The following ZNF595 variants were observed in gnomAD, a reference collection of about 807,000 sequenced individuals.
ZNF595 encodes zinc finger protein 595.
In ZNF595, 9 loss-of-function variants were observed where a neutral mutation model predicts 19.4. The ratio of observed to expected loss-of-function variants is 0.46; its 90% CI spans 0.28 to 0.81. The LOEUF is 0.81. ZNF595 is among the 30% of genes least tolerant of loss of function. ZNF595 has a pLI of 0.11. For missense variants in ZNF595, 729 were observed against 736.0 expected, an observed-to-expected ratio of 0.99 and a Z score of 0.11; for synonymous variants, 255 against 255.9, an observed-to-expected ratio of 1.00 and a Z score of 0.03.
chr4:61,105 G>A (rs1581322806), intron 3 of ZNF595, among the ~76,000 whole-genome samples: 1 of 152,260 alleles, frequency 6.6e-6, no homozygotes, highest in African/African-American at 2.4e-5. Context: ...CAAAGGATTG[G>A]ATACCACTGG....
rs1560092266 is a variant in ZNF595, at chr4:82,371, G to GTTTTTTTTTTTTTTTTTTTTTTT, written c.227-3360_227-3359insTTTTTTTTTTTTTTTTTTTTTTT. Among the ~76,000 whole-genome samples the GTTTTTTTTTTTTTTTTTTTTTTT allele has an allele frequency of 7.2e-5, 7 of 97,714 alleles. 2 individuals are homozygous for GTTTTTTTTTTTTTTTTTTTTTTT. The highest frequency in any genetic ancestry group is 7.3e-5 in the African/African-American group (2 of 27,404). 64.1% of individuals were successfully genotyped at this position (97,714 alleles called of 152,430 possible). On this transcript the variant is annotated intron_variant, in intron 3 of 3. Coordinates refer to ENST00000610261, the MANE Select transcript of ZNF595 (RefSeq NM_182524.4). ...ACAAAAGTCCATTTTTTTGGTTTGT[G>GTTTTTTTTTTTTTTTTTTTTTTT]GTTTTTTTTTTTTTTTTTTTTTTTT...
At chr4:68,838 A>G (rs1553797453) in intron 3 of ZNF595, among the ~76,000 whole-genome samples, 2 of 152,222 alleles carry the variant, frequency 1.3e-5, no homozygotes, top group Admixed American at 1.3e-4. Flanking sequence ...TTGTACTAGC[A>G]ACTACTAAAT....
At chr4:85,653 A>G in intron 3 of ZNF595, 78 bp from the exon 4 acceptor site, 1 of 1,441,568 alleles carries the variant, frequency 6.9e-7, no homozygotes, top group South Asian at 1.5e-5. Context: ...GTTTGTATAC[A>G]TTTTCGATAT....
In ZNF595 at chr4:87,400, C is replaced by T. The variant is rs568201667; in HGVS notation, c.1896C>T (p.Pro632=). 1.2e-5 allele frequency: 19 copies of T among 1,612,026 alleles called. No individual in the cohort carries two copies. Among genetic ancestry groups the T allele is most frequent in the Non-Finnish European group, 1.5e-5 (18 of 1,178,906 alleles). The stretch of plus-strand genomic sequence containing the variant: ...AATGTGGCAAAGCTTTTAATCGGCC[C>T]TCAACCCTTACTGTACACAAGCGAA... The part of the protein sequence containing the change: ...CEECGKAFNR[P]STLTVHKRIH... Residue 632 remains proline, a synonymous_variant, in exon 4 of 4, where the codon CCC becomes CCT. Transcript: ENST00000610261.
chr4:85,697 A>G, intron 3 of ZNF595, 34 bp from the exon 4 acceptor site: 1 of 1,521,502 alleles, frequency 6.6e-7, no homozygotes, highest in Non-Finnish European at 8.8e-7. Context: ...TGAATCTAGT[A>G]AGTGGGATAA....
Position 86,226 on chromosome 4 carries a change from C to T in ZNF595, c.722C>T (p.Thr241Ile), listed in dbSNP as rs782261022. The T allele has an allele frequency of 1.2e-6, 2 of 1,611,798 alleles. No homozygotes were observed. The highest frequency in any genetic ancestry group is 4.5e-5 in the East Asian group (2 of 44,854). ...EECGKAFRRS[T>I]VLNEHKKIHT... The stretch of plus-strand genomic sequence containing the variant: ...TGTGGCAAAGCCTTTAGACGGTCCA[C>T]AGTTCTGAACGAACATAAGAAAATT... The change falls in exon 4 of 4, where the codon ACA becomes ATA. Residue 241 changes from threonine to isoleucine, a missense_variant. Transcript: ENST00000610261.
At chr4:80,348 A>G (rs926320864) in intron 3 of ZNF595, among the ~76,000 whole-genome samples, 6 of 152,246 alleles carry the variant, frequency 3.9e-5, no homozygotes, top group Admixed American at 2.0e-4. Context: ...TAAAAAACTC[A>G]ACAAATTAGA....
Position 87,083 on chromosome 4 carries a change from A to C in ZNF595, c.1579A>C (p.Arg527=). The C allele has an allele frequency of 6.2e-7, 1 of 1,614,048 alleles. No homozygotes were observed. The highest frequency in any genetic ancestry group is 2.2e-5 in the East Asian group (1 of 44,872). Residue 527 remains arginine (R), a synonymous_variant, in exon 4 of 4, where the codon AGG becomes CGG. Transcript: ENST00000610261. ...FNQSSGLIIH[R]SIHSEQKLYK... The stretch of plus-strand genomic sequence containing the variant: ...CCAATCCTCAGGCCTTATTATACAC[A>C]GGAGCATTCATTCTGAACAAAAACT...
chr4:61,215 G>T (rs1389398146), intron 3 of ZNF595, among the ~76,000 whole-genome samples: 1 of 152,106 alleles, frequency 6.6e-6, no homozygotes, highest in East Asian at 1.9e-4. Flanking sequence ...GTGCAGTGGC[G>T]TGACCTCGGC....
At position 86,700 on chromosome 4, in the gene ZNF595, A is replaced by G; in HGVS notation, c.1196A>G (p.Glu399Gly). The G allele has an allele frequency of 6.2e-7, 1 of 1,613,836 alleles. No individual in the cohort carries two copies. Among genetic ancestry groups the G allele is most frequent in the Non-Finnish European group, 8.5e-7 (1 of 1,179,900 alleles). ...ACTGGAGAGAAACCCTACACATGTGAAGAATGTGGCAAAGCTTTTTATAGG... is the reference window on the plus strand; with the variant it reads ...ACTGGAGAGAAACCCTACACATGTGGAGAATGTGGCAAAGCTTTTTATAGG... ...IHTGEKPYTC[E>G]ECGKAFYRSS... Residue 399 changes from glutamate (E) to glycine (G), a missense_variant, in exon 4 of 4, where the codon GAA becomes GGA. This residue lies in a region of ZNF595 where 729 missense variants were observed against 675.3 expected (regional missense o/e 1.08). Transcript: ENST00000610261.
chr4:85,026 A>T (rs1714075233), intron 3 of ZNF595, among the ~76,000 whole-genome samples: 1 of 152,198 alleles, frequency 6.6e-6, no homozygotes, highest in Non-Finnish European at 1.5e-5. Flanking sequence ...CACAATCTTT[A>T]CAGTGTTGCC....
Position 86,093 on chromosome 4 carries a change from G to A in ZNF595, c.589G>A (p.Glu197Lys). ...TCAACATACAGGAATTCATGCTGGA[G>A]AGAAACCCTACAAATGTGAAAAATG... Reference protein sequence around the residue: ...LTQHTGIHAGEKPYKCEKCGK... With the variant: ...LTQHTGIHAGKKPYKCEKCGK... Residue 197 changes from glutamate (E) to lysine (K), a missense_variant, in exon 4 of 4, where the codon GAG (glutamate) becomes AAG (lysine). By Grantham distance (56) the Glu-to-Lys change is moderately conservative. Coordinates refer to ENST00000610261, the MANE Select transcript of ZNF595 (RefSeq NM_182524.4). The A allele has an allele frequency of 1.2e-6, 2 of 1,613,534 alleles. No homozygotes were observed. Among genetic ancestry groups the A allele is most frequent in the South Asian group, 2.2e-5 (2 of 91,034 alleles).
chr4:74,746 A>T (rs11722512), intron 3 of ZNF595, among the ~76,000 whole-genome samples: 32,601 of 152,042 alleles, frequency 0.21, 3,779 homozygotes, highest in South Asian at 0.29. Context: ...AAATGATTGC[A>T]TTCTTTTGAG....
At chr4:73,147 A>G (rs1415349075) in intron 3 of ZNF595, among the ~76,000 whole-genome samples, 4 of 152,200 alleles carry the variant, frequency 2.6e-5, no homozygotes, top group African/African-American at 9.6e-5. Context: ...ATTCTGAGGA[A>G]TATTGCATTG....
At chr4:69,307 G>T (rs1170622712) in intron 3 of ZNF595, among the ~76,000 whole-genome samples, 1 of 151,998 alleles carries the variant, frequency 6.6e-6, no homozygotes, top group Non-Finnish European at 1.5e-5. Flanking sequence ...TTCATTTTTT[G>T]AGGAACCTCT....
At chr4:73,322 G>A (rs1208393149) in intron 3 of ZNF595, among the ~76,000 whole-genome samples, 3 of 152,124 alleles carry the variant, frequency 2.0e-5, no homozygotes, top group South Asian at 2.1e-4. Flanking sequence ...TCACCCTGAC[G>A]TCAACCTGTT....
rs940898444 is a variant in ZNF595, at chr4:71,619, T to A, written c.226+11466T>A. 3.3e-5 allele frequency among the ~76,000 whole-genome samples: 5 copies of A among 152,180 alleles called. No homozygotes were observed. The South Asian group carries it at 1.0e-3, about 31-fold the overall frequency. On this transcript the variant is annotated intron_variant, in intron 3 of 3. Coordinates refer to ENST00000610261, the MANE Select transcript of ZNF595 (RefSeq NM_182524.4). ...CATCACATCCTCATGGTGGGCAGCC[T>A]GAGGTATAGGGTAGAGCCTCACGGG...
intron 3 of ZNF595, 44 bp from the exon 4 acceptor site, chr4:85,687 T>G (rs1553800948): frequency 6.6e-7 from 1 of 1,512,422 alleles, no homozygotes; most frequent in South Asian, 1.4e-5. Context: ...TATATTCATA[T>G]GAATCTAGTA....
intron 3 of ZNF595, among the ~76,000 whole-genome samples, chr4:69,085 A>G (rs1455120321): frequency 1.3e-5 from 2 of 152,192 alleles, no homozygotes; most frequent in Non-Finnish European, 2.9e-5. Context: ...TGACAGGATC[A>G]TATTCTTTTT....
Sources: allele counts gnomAD v4.1 joint callset (sites outside exome capture counted in the v4.1 genomes callset), GRCh38; gene constraint gnomAD v4.1.1; regional missense constraint gnomAD v4.1.1; transcripts MANE v1.5; gene names NCBI Gene and HGNC (gene_info 2026-07-23, HGNC 2026-07-21).